The following AGAP1 variants were observed in gnomAD, a reference collection of about 807,000 sequenced individuals.
The protein encoded by AGAP1 is arf-GAP with GTPase, ANK repeat and PH domain-containing protein 1.
AGAP1 carries 29 observed loss-of-function variants against 105.3 expected under a neutral mutation model. The ratio of observed to expected loss-of-function variants is 0.28; its 90% confidence interval spans 0.21 to 0.38. The LOEUF (loss-of-function observed/expected upper bound fraction) is 0.38, where lower values mean the gene tolerates loss of function less well. Ranked by LOEUF, AGAP1 falls within the 10% of genes least tolerant of loss-of-function variation. The pLI is 1.00. For synonymous variants in AGAP1, 509 were observed against 485.9 expected (o/e 1.05, Z -0.63); for missense variants, 998 against 1,165.1 (o/e 0.86, Z 2.09).
At chr2:235,794,772 G>A (rs1484934951) in intron 6 of AGAP1, among the ~76,000 whole-genome samples, 3 of 152,046 alleles carry the variant, frequency 2.0e-5, no homozygotes, top group South Asian at 2.1e-4. Flanking sequence ...GCGCCCAGCC[G>A]CTTCCAGATT....
At position 235,994,850 on chromosome 2, in the gene AGAP1, AG is replaced by A. The variant is rs2055723812; in HGVS notation, c.1645+26229del. ...GGGAGGCCGAGGCGGGCGGATCACG[AG>A]GTCAGGAGTTTGAGACCAGCCTGGA... On this transcript the variant is annotated intron_variant, in intron 13 of 17. Transcript: ENST00000304032. The surrounding 1 kb of genome is among the most constrained non-coding windows in gnomAD (Gnocchi z 4.4). Among the ~76,000 whole-genome samples the A allele has an allele frequency of 6.6e-6, 1 of 150,930 alleles. No homozygotes were observed. Among genetic ancestry groups the A allele is most frequent in the African/African-American group, 2.4e-5 (1 of 41,094 alleles).
chr2:235,653,061 G>A (rs765965932), intron 1 of AGAP1, among the ~76,000 whole-genome samples: 1 of 152,178 alleles, frequency 6.6e-6, no homozygotes, highest in African/African-American at 2.4e-5. Context: ...TAAGAGGGTA[G>A]GCTTTGCTGT....
chr2:236,094,271 A>G (rs1188006068), intron 16 of AGAP1, among the ~76,000 whole-genome samples: 1 of 151,954 alleles, frequency 6.6e-6, no homozygotes, highest in Non-Finnish European at 1.5e-5. Flanking sequence ...CCTGGGCAAC[A>G]TAATGAGACT....
intron 10 of AGAP1, among the ~76,000 whole-genome samples, chr2:235,884,935 A>T (rs974926889): frequency 6.6e-6 from 1 of 151,956 alleles, no homozygotes; most frequent in African/African-American, 2.4e-5. Context: ...CTAGTTTTGA[A>T]TTCCTGGCCT....
At position 236,129,324 on chromosome 2, in the gene AGAP1, C is replaced by T. The variant is rs2060052170; in HGVS notation, c.*5202C>T. On this transcript the variant is annotated 3_prime_UTR_variant, in exon 18 of 18. Transcript: ENST00000304032. This position sits in a 1 kb window ranked among gnomAD's most constrained non-coding sequence, Gnocchi z 6.2. Reference sequence around the variant, plus strand: ...CCCCAGCCCTGCTGTGGGGACGGGCCCTCTATCATTTAACCACATACATTA... The same window carrying T: ...CCCCAGCCCTGCTGTGGGGACGGGCTCTCTATCATTTAACCACATACATTA... The T allele has an allele frequency of 6.6e-6, 1 of 152,284 alleles. No individual in the cohort carries two copies. Among genetic ancestry groups the T allele is most frequent in the Non-Finnish European group, 1.5e-5 (1 of 68,098 alleles). 9.4% of individuals were successfully genotyped at this position (152,284 alleles called of 1,614,324 possible). A position where few individuals can be genotyped will look rare whatever the true frequency, so the allele number is the denominator to read the frequency against.
At position 235,720,031 on chromosome 2, in the gene AGAP1, A is replaced by C. The variant is rs1280548692; in HGVS notation, c.310+2387A>C. 2.0e-5 allele frequency among the ~76,000 whole-genome samples: 3 copies of C among 152,092 alleles called. No individual in the cohort carries two copies. The highest frequency in any genetic ancestry group is 4.4e-5 in the Non-Finnish European group (3 of 68,028). On this transcript the variant is annotated intron_variant, in intron 3 of 17. Transcript: ENST00000304032. This position sits in a 1 kb window ranked among gnomAD's most constrained non-coding sequence, Gnocchi z 5.0. ...TAATGAGACCAGGGAATGGACTTCT[A>C]CTTCCTGTTCATGTGACTGTGTGCC...
In AGAP1 at chr2:235,494,779, C is replaced by T. The variant is rs1184963524; in HGVS notation, c.93C>T (p.Tyr31=). 2 of 1,583,948 alleles carry T rather than the reference C, an allele frequency of 1.3e-6. No individual in the cohort carries two copies. Among genetic ancestry groups the T allele is most frequent in the Non-Finnish European group, 8.6e-7 (1 of 1,165,206 alleles). Residue 31 remains tyrosine (Y), a synonymous_variant, in exon 1 of 18, where the codon TAC becomes TAT. Coordinates refer to ENST00000304032, the MANE Select transcript of AGAP1 (RefSeq NM_001037131.3). ...ESVHPNIYSI[Y]ELLERVEEPV... ...TCCACCCCAACATCTACTCCATCTA[C>T]GAGCTGCTGGAGCGCGTGGAGGAGC...
rs984793018 is a variant in AGAP1 at position 235,613,955 on chromosome 2, C to G, written c.164-95224C>G. Among the ~76,000 whole-genome samples the G allele has an allele frequency of 5.3e-5, 8 of 151,894 alleles. No individual in the cohort carries two copies. In the East Asian group the frequency reaches 7.7e-4, roughly 15 times the overall value. Reference sequence around the variant, plus strand: ...CTGGCTAGTGGTAGTCTGCAAGAACCCTTTGTTAATGGGAATATTGTGCAT... The same window carrying G: ...CTGGCTAGTGGTAGTCTGCAAGAACGCTTTGTTAATGGGAATATTGTGCAT... On this transcript the variant is annotated intron_variant, in intron 1 of 17. Transcript: ENST00000304032.
At chr2:235,585,070 G>A (rs1358172869) in intron 1 of AGAP1, among the ~76,000 whole-genome samples, 1 of 151,846 alleles carries the variant, frequency 6.6e-6, no homozygotes, top group East Asian at 1.9e-4. Flanking sequence ...TGTAGCTCTG[G>A]CCTTTTTCTT....
chr2:235,939,255 A>G (rs1270297211), intron 12 of AGAP1, among the ~76,000 whole-genome samples: 1 of 151,738 alleles, frequency 6.6e-6, no homozygotes, highest in East Asian at 1.9e-4. Context: ...TCCTTTCCCG[A>G]TGAAACTGGG....
Position 236,014,289 on chromosome 2 carries a change from G to C in AGAP1, c.1646-22272G>C, listed in dbSNP as rs184423060. Among the ~76,000 whole-genome samples, 103 of 152,276 alleles carry C rather than the reference G, an allele frequency of 6.8e-4. No individual in the cohort carries two copies. Among genetic ancestry groups the C allele is most frequent in the African/African-American group, 2.3e-3 (97 of 41,556 alleles). ...GTAGGTATTGCCTGAATCAAAATCTGTCTCGGGAAGACAACTTCACTTTTA... is the reference window on the plus strand; with the variant it reads ...GTAGGTATTGCCTGAATCAAAATCTCTCTCGGGAAGACAACTTCACTTTTA... On this transcript the variant is annotated intron_variant, in intron 13 of 17. Coordinates refer to ENST00000304032, the MANE Select transcript of AGAP1 (RefSeq NM_001037131.3). The surrounding 1 kb of genome is among the most constrained non-coding windows in gnomAD (Gnocchi z 6.3).
rs1298407467 is a variant in AGAP1 at position 235,872,552 on chromosome 2, C to A, written c.1051-10793C>A. On this transcript the variant is annotated intron_variant, in intron 9 of 17. Coordinates refer to ENST00000304032, the MANE Select transcript of AGAP1 (RefSeq NM_001037131.3). This position sits in a 1 kb window ranked among gnomAD's most constrained non-coding sequence, Gnocchi z 4.5. ...GAGCATCTCAGGCAGAGCCTTCCGGCCTCTGTCATCTTCTGGCCAGTAGGA... is the reference window on the plus strand; with the variant it reads ...GAGCATCTCAGGCAGAGCCTTCCGGACTCTGTCATCTTCTGGCCAGTAGGA... Among the ~76,000 whole-genome samples, 1 of 152,204 alleles carries A rather than the reference C, an allele frequency of 6.6e-6. No homozygotes were observed. Among genetic ancestry groups the A allele is most frequent in the Non-Finnish European group, 1.5e-5 (1 of 68,034 alleles).
intron 16 of AGAP1, among the ~76,000 whole-genome samples, chr2:236,081,961 G>A (rs1358535091): frequency 1.3e-5 from 2 of 152,166 alleles, no homozygotes; most frequent in Non-Finnish European, 2.9e-5. Flanking sequence ...TAGGTTCCAT[G>A]CATGGGAAGT....
Position 236,020,270 on chromosome 2 carries a change from A to G in AGAP1, c.1646-16291A>G, listed in dbSNP as rs1463199408. Among the ~76,000 whole-genome samples, 1 of 152,196 alleles carries G rather than the reference A, an allele frequency of 6.6e-6. No individual in the cohort carries two copies. The highest frequency in any genetic ancestry group is 1.5e-5 in the Non-Finnish European group (1 of 68,044). On this transcript the variant is annotated intron_variant, in intron 13 of 17. Transcript: ENST00000304032. The surrounding 1 kb of genome is among the most constrained non-coding windows in gnomAD (Gnocchi z 5.0). Reference sequence around the variant, plus strand: ...CTAGGACCAGTAAGCCCCAGTACTCAAGCACCCAGATTCTCTCTGTTTTCA... The same window carrying G: ...CTAGGACCAGTAAGCCCCAGTACTCGAGCACCCAGATTCTCTCTGTTTTCA...
intron 6 of AGAP1, among the ~76,000 whole-genome samples, chr2:235,771,513 C>T (rs777186194): frequency 3.9e-5 from 6 of 152,316 alleles, no homozygotes; most frequent in Non-Finnish European, 5.9e-5. Context: ...TGGAGACATG[C>T]CGGTCTCTGC....
Position 235,752,952 on chromosome 2 carries a change from C to T in AGAP1, c.673+2464C>T. On this transcript the variant is annotated intron_variant, in intron 6 of 17. Coordinates refer to ENST00000304032, the MANE Select transcript of AGAP1 (RefSeq NM_001037131.3). This position sits in a 1 kb window ranked among gnomAD's most constrained non-coding sequence, Gnocchi z 4.3. ...GGTGGGTGTGGTGTCTGCTGAGGGC[C>T]ATCCTCCTAGTGGGATATGTGTTTG... 6.6e-6 allele frequency among the ~76,000 whole-genome samples: 1 copy of T among 152,170 alleles called. No homozygotes were observed. The highest frequency in any genetic ancestry group is 1.9e-4 in the East Asian group (1 of 5,178).
rs755870501 is a variant in AGAP1, at chr2:235,843,156, G to T, written c.1050+35825G>T. Among the ~76,000 whole-genome samples the T allele has an allele frequency of 1.3e-5, 2 of 152,186 alleles. No homozygotes were observed. Among genetic ancestry groups the T allele is most frequent in the Middle Eastern group, 3.4e-3 (1 of 294 alleles). ...TGAGACCAAATCTGCCTGTGAAGTC[G>T]CTGTTCATCCCTGCAGGCTCCCTGT... On this transcript the variant is annotated intron_variant, in intron 9 of 17. Coordinates refer to ENST00000304032, the MANE Select transcript of AGAP1 (RefSeq NM_001037131.3). The surrounding 1 kb of genome is among the most constrained non-coding windows in gnomAD (Gnocchi z 5.9).
chr2:235,512,189 C>T (rs775829138), intron 1 of AGAP1, among the ~76,000 whole-genome samples: 23 of 152,218 alleles, frequency 1.5e-4, no homozygotes, highest in Non-Finnish European at 2.9e-4. Flanking sequence ...CAGCAGAATG[C>T]TGGGCAGATG....
chr2:235,970,208 A>T lies in AGAP1; in HGVS notation c.1645+1585A>T, dbSNP rs1301666920. ...GCGACAGAGTGAGACTCTGTCTTTA[A>T]AAAAAAAAAAAAAAAAAAAAGACGA... On this transcript the variant is annotated intron_variant, in intron 13 of 17. Transcript: ENST00000304032. This position sits in a 1 kb window ranked among gnomAD's most constrained non-coding sequence, Gnocchi z 5.4. Among the ~76,000 whole-genome samples the T allele has an allele frequency of 3.0e-5, 1 of 33,840 alleles. No homozygotes were observed. Among genetic ancestry groups the T allele is most frequent in the Non-Finnish European group, 6.7e-5 (1 of 14,936 alleles). 22.2% of individuals were successfully genotyped at this position (33,840 alleles called of 152,430 possible).
Sources: gnomAD v4.1 joint callset for allele counts (sites outside exome capture counted in the v4.1 genomes callset) on GRCh38, gnomAD v4.1.1 for gene constraint, Gnocchi (gnomAD v3.1) non-coding constraint, MANE v1.5 for transcripts, NCBI Gene and HGNC (gene_info 2026-07-23, HGNC 2026-07-21) for gene names.